Variants in KCNIP4 observed in about 807,000 individuals in gnomAD.
KCNIP4 encodes Kv channel-interacting protein 4.
Under a neutral mutation model 34.0 loss-of-function variants are expected in KCNIP4, and 12 were observed. The ratio of observed to expected loss-of-function variants is 0.35; its 90% CI spans 0.23 to 0.57. The LOEUF is 0.57. Ranked by LOEUF, KCNIP4 falls within the 20% of genes least tolerant of loss-of-function variation. The probability of loss-of-function intolerance (pLI) is 0.83; values close to 1 mark genes in which losing one functional copy is unlikely to be tolerated. For synonymous variants in KCNIP4, 124 were observed against 102.2 expected (o/e 1.21, Z -1.29); for missense variants, 238 against 311.7 (o/e 0.76, Z 1.78).
intron 1 of KCNIP4, among the ~76,000 whole-genome samples, chr4:21,631,747 A>G (rs534371664): frequency 5.8e-4 from 89 of 152,296 alleles, no homozygotes; most frequent in African/African-American, 2.1e-3. Context: ...TTTATTTAGA[A>G]TAAGACCCTC....
chr4:20,807,531 T>A (rs1441061570), intron 3 of KCNIP4, among the ~76,000 whole-genome samples: 2 of 152,156 alleles, frequency 1.3e-5, no homozygotes, highest in Non-Finnish European at 2.9e-5. Flanking sequence ...CATGTGTACT[T>A]CTCAAAGTCT....
intron 1 of KCNIP4, among the ~76,000 whole-genome samples, chr4:21,901,748 C>G (rs550727148): frequency 1.3e-5 from 2 of 152,126 alleles, no homozygotes; most frequent in African/African-American, 4.8e-5. Flanking sequence ...AGATTCATTA[C>G]TCCCTCCACA....
At chr4:20,771,017 A>G (rs1268731910) in intron 3 of KCNIP4, among the ~76,000 whole-genome samples, 1 of 152,222 alleles carries the variant, frequency 6.6e-6, no homozygotes, top group Non-Finnish European at 1.5e-5. Context: ...ATTAGTTATT[A>G]TAAGTAATCT....
At chr4:21,327,698 T>A (rs1474722166) in intron 1 of KCNIP4, among the ~76,000 whole-genome samples, 2 of 152,142 alleles carry the variant, frequency 1.3e-5, no homozygotes, top group Non-Finnish European at 2.9e-5. Context: ...CTTTTGAGGC[T>A]ATTTTCCAGA....
At chr4:21,860,003 T>C (rs1469059621) in intron 1 of KCNIP4, among the ~76,000 whole-genome samples, 1 of 152,204 alleles carries the variant, frequency 6.6e-6, no homozygotes, top group Non-Finnish European at 1.5e-5. Flanking sequence ...ATGGTGCCAC[T>C]GCACTCCAGG....
At chr4:20,837,893 G>A (rs1289642055) in intron 3 of KCNIP4, among the ~76,000 whole-genome samples, 1 of 150,796 alleles carries the variant, frequency 6.6e-6, no homozygotes, top group Non-Finnish European at 1.5e-5. Context: ...TTTTGCCATG[G>A]TGGCCAGGTT....
chr4:21,167,518 T>C (rs1753717519), intron 1 of KCNIP4, among the ~76,000 whole-genome samples: 1 of 152,196 alleles, frequency 6.6e-6, no homozygotes. Context: ...AGATAGTGTC[T>C]TTTCATTTAG....
chr4:21,918,838 C>T (rs889998532), intron 1 of KCNIP4, among the ~76,000 whole-genome samples: 1 of 152,042 alleles, frequency 6.6e-6, no homozygotes, highest in Non-Finnish European at 1.5e-5. Context: ...GTGAGGAAAA[C>T]GTTTTGCCAA....
chr4:21,582,996 C>G (rs1741351148), intron 1 of KCNIP4, among the ~76,000 whole-genome samples: 1 of 151,744 alleles, frequency 6.6e-6, no homozygotes, highest in Non-Finnish European at 1.5e-5. Context: ...ATAAATCGGG[C>G]CTTTAACTAA....
intron 1 of KCNIP4, among the ~76,000 whole-genome samples, chr4:21,038,854 C>T (rs1741691248): frequency 3.9e-5 from 6 of 152,060 alleles, no homozygotes; most frequent in Admixed American, 2.0e-4. Context: ...TTGAGATTCC[C>T]AGCTGGAATC....
chr4:20,879,814 T>C (rs1008854737), intron 2 of KCNIP4, among the ~76,000 whole-genome samples: 3 of 152,154 alleles, frequency 2.0e-5, no homozygotes, highest in African/African-American at 7.2e-5. Context: ...CTAATATAAA[T>C]TGGGAAGCTT....
intron 2 of KCNIP4, among the ~76,000 whole-genome samples, chr4:20,864,898 A>G (rs1407316613): frequency 1.3e-5 from 2 of 152,090 alleles, no homozygotes; most frequent in Non-Finnish European, 2.9e-5. Flanking sequence ...TTTTATGGAT[A>G]AGAGTGTCTT....
chr4:21,033,618 A>C (rs1741192793), intron 1 of KCNIP4, among the ~76,000 whole-genome samples: 1 of 152,198 alleles, frequency 6.6e-6, no homozygotes, highest in African/African-American at 2.4e-5. Flanking sequence ...AATTCAGAAA[A>C]GGTGACAATA....
At chr4:21,297,017 C>T (rs943841033) in intron 1 of KCNIP4, among the ~76,000 whole-genome samples, 11 of 150,522 alleles carry the variant, frequency 7.3e-5, no homozygotes, top group African/African-American at 2.7e-4. Context: ...TACACACATA[C>T]ATAAGTACGT....
At chr4:21,422,979 T>C (rs1292526590) in intron 1 of KCNIP4, among the ~76,000 whole-genome samples, 1 of 152,198 alleles carries the variant, frequency 6.6e-6, no homozygotes, top group Admixed American at 6.5e-5. Flanking sequence ...ACTTCAGTAA[T>C]GAATGCCATT....
At chr4:21,432,414 A>G (rs1726573709) in intron 1 of KCNIP4, among the ~76,000 whole-genome samples, 1 of 151,970 alleles carries the variant, frequency 6.6e-6, no homozygotes, top group Non-Finnish European at 1.5e-5. Flanking sequence ...GTACTTAAGG[A>G]AATCAGAATT....
chr4:20,911,121 G>A (rs1314388211), intron 1 of KCNIP4, among the ~76,000 whole-genome samples: 1 of 152,128 alleles, frequency 6.6e-6, no homozygotes, highest in Non-Finnish European at 1.5e-5. Flanking sequence ...TGTTTTAGCT[G>A]AATTGTCTGT....
intron 1 of KCNIP4, among the ~76,000 whole-genome samples, chr4:21,002,666 A>G (rs1738242756): frequency 6.6e-6 from 1 of 152,136 alleles, no homozygotes. Context: ...GACCTACTCA[A>G]TCAGAATCTC....
intron 1 of KCNIP4, among the ~76,000 whole-genome samples, chr4:21,704,494 A>C (rs1265387764): frequency 6.6e-6 from 1 of 152,208 alleles, no homozygotes; most frequent in Non-Finnish European, 1.5e-5. Flanking sequence ...GTATATAAAG[A>C]CTTTGAATAT....
Sources: gnomAD v4.1 joint callset for allele counts (sites outside exome capture counted in the v4.1 genomes callset) on GRCh38, gnomAD v4.1.1 for gene constraint, MANE v1.5 for transcripts, NCBI Gene and HGNC (gene_info 2026-07-23, HGNC 2026-07-21) for gene names.